BLK: variants seen among roughly 807,000 people sequenced by gnomAD.
The protein encoded by BLK is tyrosine-protein kinase Blk.
BLK carries 64 observed loss-of-function variants against 61.8 expected under a neutral mutation model. That is an observed-to-expected ratio of 1.03 (90% confidence interval 0.85 to 1.27). The LOEUF is 1.27. Ranked by LOEUF, BLK falls within the 50% of genes most tolerant of loss-of-function variation. The pLI, the probability that BLK is intolerant of heterozygous loss-of-function variation, is 0.00. For synonymous variants in BLK, 351 were observed against 272.0 expected (o/e 1.29, Z -2.86); for missense variants, 853 against 660.5 (o/e 1.29, Z -3.19).
In BLK at chr8:11,562,913, G is replaced by C. The variant is rs1801557737; in HGVS notation, c.1181-66G>C. On this transcript the variant is annotated intron_variant, in intron 11 of 12. Coordinates refer to ENST00000259089, the MANE Select transcript of BLK (RefSeq NM_001715.3). ...GGAAGGACAGCAGGAGCAGGGGTAG[G>C]GGTGAGGATGGAGGGTAGGGGCCAC... The C allele has an allele frequency of 5.6e-6, 9 of 1,606,684 alleles. No homozygotes were observed. In the Admixed American group the frequency reaches 1.5e-4, roughly 27 times the overall value.
chr8:11,551,103 C>T (rs1368346681), intron 6 of BLK, among the ~76,000 whole-genome samples: 3 of 152,114 alleles, frequency 2.0e-5, no homozygotes, highest in Non-Finnish European at 2.9e-5. Flanking sequence ...CATGTCTTGT[C>T]TGTTTTTTCA....
chr8:11,501,848 C>T (rs577276111), intron 1 of BLK, among the ~76,000 whole-genome samples: 183 of 152,192 alleles, frequency 1.2e-3, no homozygotes, highest in Non-Finnish European at 1.4e-3. Flanking sequence ...GTGCCATGAG[C>T]GGCTTCTTTG....
chr8:11,557,042 G>C (rs549367621), intron 9 of BLK, among the ~76,000 whole-genome samples: 1 of 152,274 alleles, frequency 6.6e-6, no homozygotes, highest in Admixed American at 6.5e-5. Context: ...GGTTCTGACA[G>C]AGCCATGTTC....
intron 1 of BLK, among the ~76,000 whole-genome samples, chr8:11,514,412 A>T (rs961262632): frequency 2.0e-5 from 3 of 152,222 alleles, no homozygotes; most frequent in Non-Finnish European, 4.4e-5. Context: ...TACAGGCAAG[A>T]GCCCCGCAAT....
chr8:11,513,864 G>T (rs996791892), intron 1 of BLK, among the ~76,000 whole-genome samples: 1 of 152,196 alleles, frequency 6.6e-6, no homozygotes, highest in Non-Finnish European at 1.5e-5. Flanking sequence ...GGGGCTTGGG[G>T]TAATGGAGCA....
intron 1 of BLK, among the ~76,000 whole-genome samples, chr8:11,503,641 G>C (rs760005874): frequency 6.6e-6 from 1 of 152,168 alleles, no homozygotes; most frequent in Non-Finnish European, 1.5e-5. Flanking sequence ...AGTAAGCAAG[G>C]GTGCTCTTTC....
At chr8:11,546,146 C>T (rs968165628) in intron 3 of BLK, 43 bp downstream of exon 3, 2 of 1,607,384 alleles carry the variant, frequency 1.2e-6, no homozygotes, top group Middle Eastern at 1.7e-4. Context: ...ACAGCCCTCT[C>T]CCCTAGGTGG....
rs372945809 is a variant in BLK at position 11,554,934 on chromosome 8, C to A, written c.619+45C>A. 143 of 1,601,458 alleles carry A rather than the reference C, an allele frequency of 8.9e-5. 2 individuals are homozygous for A. Among genetic ancestry groups the A allele is most frequent in the Admixed American group, 6.9e-4 (41 of 59,198 alleles). ...GGGGGCAGGGACTTGTGCCAAGAGC[C>A]CCTGGATCTCTCGCTAAGATTCCCA... On this transcript the variant is annotated intron_variant, in intron 7 of 12. Transcript: ENST00000259089.
chr8:11,497,973 G>A (rs766694621), intron 1 of BLK, among the ~76,000 whole-genome samples: 2 of 152,216 alleles, frequency 1.3e-5, no homozygotes, highest in Non-Finnish European at 2.9e-5. Flanking sequence ...ACAGAACCAC[G>A]GAATGGGGGT....
At chr8:11,528,483 A>G (rs1799761704) in intron 1 of BLK, among the ~76,000 whole-genome samples, 2 of 152,162 alleles carry the variant, frequency 1.3e-5, no homozygotes, top group African/African-American at 4.8e-5. Context: ...TAATTTTGCA[A>G]AGGTAGTTTC....
In BLK at chr8:11,558,935, G is replaced by C. The variant is rs1267266640; in HGVS notation, c.1029+897G>C. 8.8e-6 allele frequency: 4 copies of C among 456,068 alleles called. 1 individual carries two copies. The Admixed American group carries it at 9.4e-5, about 11-fold the overall frequency. The allele number at this position is 456,068 out of a possible 1,614,324, so 28.3% of individuals were successfully genotyped here. A position where few individuals can be genotyped will look rare whatever the true frequency, so the allele number is the denominator to read the frequency against. The stretch of plus-strand genomic sequence containing the variant: ...ACCCAGTAGCGCCGCTGCAGGAACT[G>C]ATGCCACAACGCCTTTTTCCGCTGA... On this transcript the variant is annotated intron_variant, in intron 10 of 12. Coordinates refer to ENST00000259089, the MANE Select transcript of BLK (RefSeq NM_001715.3).
intron 1 of BLK, among the ~76,000 whole-genome samples, chr8:11,526,539 T>A (rs554928227): frequency 6.6e-6 from 1 of 152,120 alleles, no homozygotes; most frequent in South Asian, 2.1e-4. Context: ...GGCAAAATGA[T>A]GAAACCCCAT....
Position 11,546,036 on chromosome 8 carries a change from G to T in BLK, c.124-16G>T, listed in dbSNP as rs1171403613. On this transcript the variant is annotated splice_polypyrimidine_tract_variant and intron_variant, in intron 2 of 12. Transcript: ENST00000259089. ...GCAGGGACTGAAATAACTCAAGTGT[G>T]TGTTTTCTACCCAAGGTTGTCTTCA... The T allele has an allele frequency of 6.2e-7, 1 of 1,613,870 alleles. No homozygotes were observed. Among genetic ancestry groups the T allele is most frequent in the African/African-American group, 1.3e-5 (1 of 74,902 alleles).
chr8:11,518,544 T>C (rs1799315471), intron 1 of BLK, among the ~76,000 whole-genome samples: 1 of 151,956 alleles, frequency 6.6e-6, no homozygotes, highest in African/African-American at 2.4e-5. Flanking sequence ...CATCCACTTC[T>C]CTATTTCCAC....
intron 1 of BLK, among the ~76,000 whole-genome samples, chr8:11,510,599 T>TA (rs936888649): frequency 6.6e-6 from 1 of 152,094 alleles, no homozygotes; most frequent in Admixed American, 6.6e-5. Flanking sequence ...AAATGTTTTT[T>TA]AAAAAACCCA....
chr8:11,549,313 T>G (rs1259619804), intron 5 of BLK, among the ~76,000 whole-genome samples, 191 bp downstream of exon 5: 2 of 152,120 alleles, frequency 1.3e-5, no homozygotes, highest in African/African-American at 4.8e-5. Context: ...GACTGCTGTG[T>G]GACACTGAGC....
intron 10 of BLK, chr8:11,558,521 G>C: frequency 2.5e-6 from 1 of 401,542 alleles, no homozygotes; most frequent in South Asian, 1.9e-5. Context: ...GCAGGCCTGA[G>C]CTACACACAG....
At chr8:11,517,110 G>C (rs1310484610) in intron 1 of BLK, among the ~76,000 whole-genome samples, 4 of 152,148 alleles carry the variant, frequency 2.6e-5, no homozygotes, top group African/African-American at 9.7e-5. Context: ...GGCTGCCTTT[G>C]GGAATAGGCA....
intron 10 of BLK, among the ~76,000 whole-genome samples, chr8:11,559,506 AACT>A (rs1801387974): frequency 1.7e-5 from 2 of 121,008 alleles, no homozygotes; most frequent in Non-Finnish European, 4.0e-5. Context: ...CAAACTCACA[AACT>A]CACACACACA....
Sources: gnomAD v4.1 joint callset for allele counts (sites outside exome capture counted in the v4.1 genomes callset) on GRCh38, gnomAD v4.1.1 for gene constraint, MANE v1.5 for transcripts, NCBI Gene and HGNC (gene_info 2026-07-23, HGNC 2026-07-21) for gene names.